Variants in MSRB2 observed in about 807,000 individuals in gnomAD.
The protein encoded by MSRB2 is methionine sulfoxide reductase B2, also known as methionine-R-sulfoxide reductase B2, mitochondrial.
A neutral mutation model predicts 19.0 loss-of-function variants in MSRB2; 17 were observed. That is an observed-to-expected ratio of 0.89 (90% CI 0.61 to 1.34). The LOEUF is 1.34. Among genes scored for constraint, MSRB2 ranks in the 40% most tolerant of loss-of-function variants. MSRB2 has a pLI of 0.00. For synonymous variants in MSRB2, 107 were observed against 99.7 expected (o/e 1.07, Z -0.44); for missense variants, 208 against 237.6 (o/e 0.88, Z 0.82).
chr10:23,104,087 G>A, intron 1 of MSRB2, 57 bp from the exon 2 acceptor site: 1 of 1,428,754 alleles, frequency 7.0e-7, no homozygotes, highest in Non-Finnish European at 9.7e-7. Flanking sequence ...GGTCAAGGAA[G>A]AAAAGTCCAT....
chr10:23,104,324 C>T (rs541682538), intron 2 of MSRB2, 80 bp downstream of exon 2: 25 of 1,093,734 alleles, frequency 2.3e-5, no homozygotes, highest in Non-Finnish European at 3.3e-5. Flanking sequence ...AGCTATGAAA[C>T]CCAGCTGCCC....
intron 1 of MSRB2, among the ~76,000 whole-genome samples, chr10:23,097,920 G>C (rs1317512812): frequency 1.3e-5 from 2 of 152,158 alleles, no homozygotes; most frequent in Non-Finnish European, 2.9e-5. Context: ...GGGGAAATGA[G>C]AAGATATTGA....
In MSRB2 at chr10:23,110,289, T is replaced by C. The variant is rs199663879; in HGVS notation, c.267T>C (p.His89=). 6.4e-5 allele frequency: 104 copies of C among 1,613,996 alleles called. No individual in the cohort carries two copies. The highest frequency in any genetic ancestry group is 6.1e-4 in the African/African-American group (46 of 75,056). The change falls in exon 3 of 5, where the codon CAT becomes CAC. Residue 89 remains histidine (H), a synonymous_variant. Coordinates refer to ENST00000376510, the MANE Select transcript of MSRB2 (RefSeq NM_012228.4). ...YLNNKEAGMY[H]CVCCDSPLFS... is the part of the protein sequence containing the mutation. Reference sequence around the variant, plus strand: ...ATAACAAGGAAGCAGGAATGTATCATTGCGTGTGCTGCGACAGTCCACTCT... The same window carrying C: ...ATAACAAGGAAGCAGGAATGTATCACTGCGTGTGCTGCGACAGTCCACTCT...
intron 1 of MSRB2, among the ~76,000 whole-genome samples, chr10:23,096,307 G>A (rs1417116705): frequency 7.2e-6 from 1 of 139,726 alleles, no homozygotes; most frequent in Non-Finnish European, 1.6e-5. Flanking sequence ...TAATGACTGA[G>A]ACAGAGACCA....
rs572653409 is a variant in MSRB2 at position 23,111,570 on chromosome 10, G to T, written c.296+1252G>T. On this transcript the variant is annotated intron_variant, in intron 3 of 4. Transcript: ENST00000376510. ...GTTCCGGTTTCTGCATCTGAAAAAGGGGGGGACTTCTTCCCTTCCTTTCAC... is the reference window on the plus strand; with the variant it reads ...GTTCCGGTTTCTGCATCTGAAAAAGTGGGGGACTTCTTCCCTTCCTTTCAC... 3.2e-4 allele frequency among the ~76,000 whole-genome samples: 49 copies of T among 152,262 alleles called. No individual in the cohort carries two copies. In the South Asian group the frequency reaches 6.8e-3, roughly 21 times the overall value.
chr10:23,112,381 C>T (rs1840066562), intron 3 of MSRB2, among the ~76,000 whole-genome samples: 1 of 152,158 alleles, frequency 6.6e-6, no homozygotes, highest in African/African-American at 2.4e-5. Context: ...TATATCCTGG[C>T]TCCATTGCTG....
At chr10:23,119,161 C>A in intron 3 of MSRB2, 143 bp from the exon 4 acceptor site, 1 of 1,032,740 alleles carries the variant, frequency 9.7e-7, no homozygotes, top group Non-Finnish European at 1.5e-6. Context: ...TCCGGGGGGA[C>A]TGACTGTCGA....
chr10:23,119,449 C>G lies in MSRB2; in HGVS notation c.442C>G (p.Gln148Glu). Residue 148 changes from glutamine to glutamate, a missense_variant and splice_region_variant, in exon 4 of 5, where the codon CAG (glutamine) becomes GAG (glutamate). By Grantham distance (29) the Gln-to-Glu change is conservative. Coordinates refer to ENST00000376510, the MANE Select transcript of MSRB2 (RefSeq NM_012228.4). ...GSARTEVVCK[Q>E]CEAHLGHVFP... is the part of the protein sequence containing the mutation. ...AGCTCGCACAGAGGTTGTCTGCAAG[C>G]AGGTGAGGTTTCTCATTTTGTTTTA... 1 of 1,612,634 alleles carries G rather than the reference C, an allele frequency of 6.2e-7. No individual in the cohort carries two copies. The highest frequency in any genetic ancestry group is 8.5e-7 in the Non-Finnish European group (1 of 1,179,036).
intron 1 of MSRB2, among the ~76,000 whole-genome samples, chr10:23,100,539 C>T (rs1370061396): frequency 1.3e-5 from 2 of 152,038 alleles, no homozygotes; most frequent in African/African-American, 4.8e-5. Context: ...GCTGGGGAGG[C>T]CTCGGGAAAC....
At chr10:23,107,637 A>T (rs930076637) in intron 2 of MSRB2, among the ~76,000 whole-genome samples, 1 of 152,218 alleles carries the variant, frequency 6.6e-6, no homozygotes, top group Non-Finnish European at 1.5e-5. Flanking sequence ...CCCGAACTCC[A>T]TGCCATCTCT....
intron 3 of MSRB2, among the ~76,000 whole-genome samples, chr10:23,111,177 G>A (rs979683956): frequency 2.6e-5 from 4 of 152,238 alleles, no homozygotes; most frequent in Non-Finnish European, 4.4e-5. Context: ...CTGCAAGGAT[G>A]AGGAGCGATT....
chr10:23,100,737 G>T (rs1464369340), intron 1 of MSRB2, among the ~76,000 whole-genome samples: 1 of 152,082 alleles, frequency 6.6e-6, no homozygotes, highest in Non-Finnish European at 1.5e-5. Context: ...CTCCCACCAG[G>T]CCCCACCTCC....
At position 23,101,500 on chromosome 10, in the gene MSRB2, C is replaced by G. The variant is rs1397260704; in HGVS notation, c.119-2644C>G. On this transcript the variant is annotated intron_variant, in intron 1 of 4. Transcript: ENST00000376510. ...TGCAGGTATCTTTTTCATGTAATGA[C>G]TTCTTTGCCTCTGGGTAGATACCCA... Among the ~76,000 whole-genome samples the G allele has an allele frequency of 3.3e-5, 5 of 152,196 alleles. No homozygotes were observed. The East Asian group carries it at 9.6e-4, about 29-fold the overall frequency.
chr10:23,115,381 T>C (rs1373152327), intron 3 of MSRB2, among the ~76,000 whole-genome samples: 1 of 152,216 alleles, frequency 6.6e-6, no homozygotes, highest in African/African-American at 2.4e-5. Flanking sequence ...AGCCTGATAC[T>C]AGTTCACCTT....
At chr10:23,096,020 G>T (rs540112933) in intron 1 of MSRB2, among the ~76,000 whole-genome samples, 6 of 151,914 alleles carry the variant, frequency 3.9e-5, no homozygotes, top group African/African-American at 1.5e-4. Flanking sequence ...CATAAGTGGG[G>T]CTCGGGGGCC....
At chr10:23,118,580 C>A (rs1840143227) in intron 3 of MSRB2, among the ~76,000 whole-genome samples, 1 of 152,028 alleles carries the variant, frequency 6.6e-6, no homozygotes, top group South Asian at 2.1e-4. Flanking sequence ...GGTTTCACTG[C>A]AGTGATTGAT....
At chr10:23,118,226 G>A (rs1310165214) in intron 3 of MSRB2, among the ~76,000 whole-genome samples, 1 of 151,968 alleles carries the variant, frequency 6.6e-6, no homozygotes, top group Non-Finnish European at 1.5e-5. Flanking sequence ...GAGAATTGCT[G>A]CATTACACAA....
At chr10:23,110,633 T>C (rs1320339334) in intron 3 of MSRB2, among the ~76,000 whole-genome samples, 1 of 152,114 alleles carries the variant, frequency 6.6e-6, no homozygotes, top group East Asian at 1.9e-4. Flanking sequence ...AGTTTTTTTT[T>C]TTTTAGAGGG....
intron 1 of MSRB2, among the ~76,000 whole-genome samples, chr10:23,103,663 A>T (rs148420119): frequency 1.5e-3 from 231 of 152,212 alleles, no homozygotes; most frequent in African/African-American, 5.5e-3. Context: ...TAAAATAGAG[A>T]CCTCCCTTGA....
Sources: gnomAD v4.1 joint callset for allele counts (sites outside exome capture counted in the v4.1 genomes callset) on GRCh38, gnomAD v4.1.1 for gene constraint, MANE v1.5 for transcripts, NCBI Gene and HGNC (gene_info 2026-07-23, HGNC 2026-07-21) for gene names.